Variants in PRELID2 observed in about 807,000 individuals in gnomAD.
The protein encoded by PRELID2 is PRELI domain-containing protein 2.
Under a neutral mutation model 28.4 loss-of-function variants are expected in PRELID2, and 25 were observed. That is an observed-to-expected ratio of 0.88 (90% confidence interval 0.64 to 1.23). The LOEUF (loss-of-function observed/expected upper bound fraction) is 1.23. Ranked by LOEUF, PRELID2 falls within the 50% of genes most tolerant of loss-of-function variation. The pLI is 0.00. For missense variants in PRELID2, 201 were observed against 214.4 expected (o/e 0.94, Z 0.39); for synonymous variants, 76 against 71.6 (o/e 1.06, Z -0.31).
chr5:145,640,345 G>C (rs375038963), intron 1 of PRELID2, among the ~76,000 whole-genome samples: 1 of 151,956 alleles, frequency 6.6e-6, no homozygotes, highest in African/African-American at 2.4e-5. Context: ...GCGTGGTGGC[G>C]GGCGCCTGTA....
the PRELID2 span, among the ~76,000 whole-genome samples, chr5:145,405,616 T>A: frequency 6.6e-6 from 1 of 150,626 alleles, no homozygotes; most frequent in South Asian, 2.1e-4. Context: ...AAGCTTAGAA[T>A]CATGGCAGAA....
At chr5:145,832,665 G>A (rs1755675350) in intron 1 of PRELID2, among the ~76,000 whole-genome samples, 2 of 152,120 alleles carry the variant, frequency 1.3e-5, no homozygotes, top group African/African-American at 2.4e-5. Context: ...CTGGTCCTCA[G>A]TTTCTCTATA....
intron 1 of PRELID2, among the ~76,000 whole-genome samples, chr5:145,606,735 T>C (rs1753509855): frequency 6.6e-6 from 1 of 152,120 alleles, no homozygotes; most frequent in Non-Finnish European, 1.5e-5. Context: ...TCTTTATTTA[T>C]TGTGTATCGG....
chr5:145,485,473 G>A (rs932030748), intron 1 of PRELID2, among the ~76,000 whole-genome samples: 17 of 152,226 alleles, frequency 1.1e-4, no homozygotes, highest in African/African-American at 4.1e-4. Flanking sequence ...CATTCAGAAT[G>A]AGTGCATGTA....
rs1757420146 is a variant in PRELID2 at position 145,760,443 on chromosome 5, T to C, written c.*93A>G. 1 of 151,814 alleles carries C rather than the reference T, an allele frequency of 6.6e-6. No homozygotes were observed. Among genetic ancestry groups the C allele is most frequent in the African/African-American group, 2.4e-5 (1 of 41,320 alleles). 9.4% of individuals were successfully genotyped at this position (151,814 alleles called of 1,614,324 possible). On this transcript the variant is annotated 3_prime_UTR_variant, in exon 7 of 7. Coordinates refer to ENST00000683046, the MANE Select transcript of PRELID2 (RefSeq NM_205846.3). Reference sequence around the variant, plus strand: ...ATCCTCAAACCTGTATTCCAGAAACTGTGTCTGTGATGTGCTGTGGCCAAG... The same window carrying C: ...ATCCTCAAACCTGTATTCCAGAAACCGTGTCTGTGATGTGCTGTGGCCAAG...
rs1246034402 is a variant in PRELID2 at position 145,817,221 on chromosome 5, AT to A, written c.368+672del. 6.4e-3 allele frequency among the ~76,000 whole-genome samples: 626 copies of A among 98,318 alleles called. 30 individuals carry two copies. Among genetic ancestry groups the A allele is most frequent in the African/African-American group, 0.02 (588 of 29,838 alleles). 64.5% of individuals were successfully genotyped at this position (98,318 alleles called of 152,430 possible). A position where few individuals can be genotyped will look rare whatever the true frequency, so the allele number is the denominator to read the frequency against. On this transcript the variant is annotated intron_variant, in intron 4 of 6. Transcript: ENST00000683046. ...AAAATAAATAAATAAATAAAAAAAA[AT>A]ATATATATATATATACTTTAGATAA...
At chr5:145,413,477 G>A in the PRELID2 span, among the ~76,000 whole-genome samples, 1 of 152,150 alleles carries the variant, frequency 6.6e-6, no homozygotes, top group African/African-American at 2.4e-5. Flanking sequence ...TCCCACTACT[G>A]AGTATCTAAA....
At chr5:145,568,434 G>A (rs935752868) in intron 1 of PRELID2, among the ~76,000 whole-genome samples, 4 of 152,178 alleles carry the variant, frequency 2.6e-5, no homozygotes, top group African/African-American at 9.7e-5. Flanking sequence ...AAGTCAATAA[G>A]AATCCTTTTT....
At chr5:145,290,301 G>A in the PRELID2 span, among the ~76,000 whole-genome samples, 6 of 152,044 alleles carry the variant, frequency 3.9e-5, no homozygotes, top group East Asian at 1.9e-4. Flanking sequence ...ATATGCACAC[G>A]TATGTTTATT....
At chr5:145,284,688 A>C in the PRELID2 span, among the ~76,000 whole-genome samples, 2 of 152,064 alleles carry the variant, frequency 1.3e-5, no homozygotes, top group Non-Finnish European at 2.9e-5. Flanking sequence ...AGCTATTTAA[A>C]TCCCAACTTT....
At chr5:145,806,279 CT>C (rs1237843946) in intron 4 of PRELID2, among the ~76,000 whole-genome samples, 1 of 151,968 alleles carries the variant, frequency 6.6e-6, no homozygotes, top group Non-Finnish European at 1.5e-5. Context: ...CTTTTAAATT[CT>C]TATTCTATTA....
intron 1 of PRELID2, among the ~76,000 whole-genome samples, chr5:145,555,799 G>A (rs1164080107): frequency 1.3e-5 from 2 of 152,152 alleles, no homozygotes; most frequent in Non-Finnish European, 2.9e-5. Context: ...GTCCTTGAGA[G>A]CCAGGGAAAA....
At chr5:145,462,407 A>C in the PRELID2 span, among the ~76,000 whole-genome samples, 1 of 152,236 alleles carries the variant, frequency 6.6e-6, no homozygotes, top group Non-Finnish European at 1.5e-5. Flanking sequence ...ACATATTGTG[A>C]CTACAAAAGC....
At chr5:145,529,303 C>T (rs1026362121) in intron 1 of PRELID2, among the ~76,000 whole-genome samples, 1 of 152,140 alleles carries the variant, frequency 6.6e-6, no homozygotes. Context: ...GTTCTAAAGT[C>T]TTTCTCTAAT....
the PRELID2 span, among the ~76,000 whole-genome samples, chr5:145,290,443 C>A: frequency 6.6e-6 from 1 of 152,032 alleles, no homozygotes; most frequent in African/African-American, 2.4e-5. Context: ...AGTTCACGTC[C>A]TTTGTAGGGA....
intron 1 of PRELID2, among the ~76,000 whole-genome samples, chr5:145,578,443 T>A (rs1753080504): frequency 6.6e-6 from 1 of 152,066 alleles, no homozygotes; most frequent in South Asian, 2.1e-4. Context: ...TAGCTCCCTT[T>A]TTTTTCCCCT....
the PRELID2 span, among the ~76,000 whole-genome samples, chr5:145,340,296 A>G: frequency 6.6e-6 from 1 of 152,128 alleles, no homozygotes; most frequent in Non-Finnish European, 1.5e-5. Context: ...GGCCTGCCCA[A>G]CCTGTCACAG....
intron 1 of PRELID2, among the ~76,000 whole-genome samples, chr5:145,602,849 C>T (rs1325601398): frequency 1.3e-5 from 2 of 151,828 alleles, no homozygotes; most frequent in African/African-American, 4.8e-5. Context: ...GTCAGGAGTT[C>T]GAGATGAGCC....
intron 5 of PRELID2, among the ~76,000 whole-genome samples, chr5:145,791,682 C>T (rs1042570644): frequency 1.1e-4 from 17 of 152,114 alleles, no homozygotes; most frequent in African/African-American, 4.1e-4. Context: ...TGTGAGTGTA[C>T]TTAATGCCAC....
Sources: gnomAD v4.1 joint callset for allele counts (sites outside exome capture counted in the v4.1 genomes callset) on GRCh38, gnomAD v4.1.1 for gene constraint, MANE v1.5 for transcripts, NCBI Gene and HGNC (gene_info 2026-07-23, HGNC 2026-07-21) for gene names.